The following INPP4B variants were observed in gnomAD, a reference collection of about 807,000 sequenced individuals.
INPP4B encodes the protein inositol polyphosphate 4-phosphatase type II.
Under a neutral mutation model 122.5 loss-of-function variants are expected in INPP4B, and 55 were observed. That is an observed-to-expected ratio of 0.45 (90% CI 0.36 to 0.56). The LOEUF is 0.56. INPP4B is among the 20% of genes least tolerant of loss of function. INPP4B has a pLI of 0.00. For synonymous variants in INPP4B, 403 were observed against 388.7 expected (o/e 1.04, Z -0.43); for missense variants, 1,000 against 1,097.7 (o/e 0.91, Z 1.26).
Position 142,288,541 on chromosome 4 carries a change from C to T in INPP4B, c.503+16917G>A, listed in dbSNP as rs1754915373. On this transcript the variant is annotated intron_variant, in intron 9 of 25. Transcript: ENST00000262992. ...GGAGCTTGCAGTGAGCTGGGATCGG[C>T]CACTGCACTCCAGCCTGGGCGACAG... Among the ~76,000 whole-genome samples, 3 of 152,194 alleles carry T rather than the reference C, an allele frequency of 2.0e-5. No homozygotes were observed. In the South Asian group the frequency reaches 6.2e-4, roughly 32 times the overall value.
intron 15 of INPP4B, among the ~76,000 whole-genome samples, chr4:142,174,104 T>A (rs570202462): frequency 6.6e-6 from 1 of 152,224 alleles, no homozygotes; most frequent in South Asian, 2.1e-4. Flanking sequence ...ATATATGTAA[T>A]CATGTATGTC....
intron 18 of INPP4B, among the ~76,000 whole-genome samples, chr4:142,140,051 C>T (rs1201925613): frequency 1.3e-5 from 2 of 152,074 alleles, no homozygotes; most frequent in African/African-American, 4.8e-5. Flanking sequence ...TATCAGATCC[C>T]AGGAGGAAAT....
At chr4:142,518,473 T>C (rs1253909910) in intron 2 of INPP4B, among the ~76,000 whole-genome samples, 1 of 152,180 alleles carries the variant, frequency 6.6e-6, no homozygotes, top group Non-Finnish European at 1.5e-5. Context: ...TAAAATTATA[T>C]ACATGCTATG....
chr4:142,210,978 A>G (rs776354548), intron 12 of INPP4B, among the ~76,000 whole-genome samples: 1 of 152,174 alleles, frequency 6.6e-6, no homozygotes, highest in Non-Finnish European at 1.5e-5. Flanking sequence ...TGAGGACTCC[A>G]TAACTTTTGT....
intron 2 of INPP4B, among the ~76,000 whole-genome samples, chr4:142,651,143 G>T (rs1342810341): frequency 1.3e-5 from 2 of 151,970 alleles, no homozygotes; most frequent in Non-Finnish European, 2.9e-5. Context: ...CAAAATTAAG[G>T]AAGAAATAAA....
chr4:142,147,604 T>C (rs961038600), intron 17 of INPP4B, among the ~76,000 whole-genome samples: 1 of 152,204 alleles, frequency 6.6e-6, no homozygotes, highest in African/African-American at 2.4e-5. Context: ...TGCTGTGTTT[T>C]CTAAGAAGGC....
intron 7 of INPP4B, among the ~76,000 whole-genome samples, chr4:142,373,636 T>G (rs1484572757): frequency 6.6e-6 from 1 of 151,978 alleles, no homozygotes; most frequent in African/African-American, 2.4e-5. Flanking sequence ...TTGTGAAGAT[T>G]AAATGAGCAA....
intron 1 of INPP4B, among the ~76,000 whole-genome samples, chr4:142,830,650 A>G (rs183413611): frequency 6.6e-6 from 1 of 152,180 alleles, no homozygotes. Flanking sequence ...CTGAGACTGC[A>G]GGAGGAAACA....
At chr4:142,233,007 T>C (rs935093543) in intron 12 of INPP4B, among the ~76,000 whole-genome samples, 1 of 152,164 alleles carries the variant, frequency 6.6e-6, no homozygotes, top group Non-Finnish European at 1.5e-5. Context: ...CATTGGTTCA[T>C]GAAGTTTAAG....
chr4:142,556,186 G>A (rs1471118439), intron 2 of INPP4B, among the ~76,000 whole-genome samples: 1 of 152,122 alleles, frequency 6.6e-6, no homozygotes, highest in Admixed American at 6.5e-5. Flanking sequence ...TTCTATGGTT[G>A]GTCAAAGGTG....
chr4:142,440,312 G>T (rs1811416043), intron 3 of INPP4B, among the ~76,000 whole-genome samples: 1 of 152,172 alleles, frequency 6.6e-6, no homozygotes, highest in South Asian at 2.1e-4. Flanking sequence ...GAAGGAAAGA[G>T]CACCAAATAA....
chr4:142,481,209 A>T (rs1221202015), intron 2 of INPP4B, among the ~76,000 whole-genome samples: 2 of 151,984 alleles, frequency 1.3e-5, no homozygotes, highest in African/African-American at 4.8e-5. Context: ...GAGTGAGAGA[A>T]CAGTAGGGGA....
intron 1 of INPP4B, among the ~76,000 whole-genome samples, chr4:142,753,142 T>C (rs1769981285): frequency 2.0e-5 from 3 of 152,092 alleles, no homozygotes. Flanking sequence ...TAAAAAATAC[T>C]CAACACAATA....
chr4:142,616,679 G>T (rs1743777982), intron 2 of INPP4B, among the ~76,000 whole-genome samples: 2 of 152,022 alleles, frequency 1.3e-5, no homozygotes, highest in African/African-American at 2.4e-5. Context: ...AGCAGTCATG[G>T]AATCAACCTA....
At chr4:142,836,412 G>A (rs1175291392) in intron 1 of INPP4B, among the ~76,000 whole-genome samples, 2 of 152,020 alleles carry the variant, frequency 1.3e-5, no homozygotes, top group Non-Finnish European at 2.9e-5. Context: ...AGGTGAGAGT[G>A]TGTGAGTGTG....
In INPP4B at chr4:142,122,141, T is replaced by C. The variant is rs763551035; in HGVS notation, c.2122A>G (p.Ile708Val). 2.5e-6 allele frequency: 4 copies of C among 1,608,628 alleles called. No individual in the cohort carries two copies. Among genetic ancestry groups the C allele is most frequent in the Non-Finnish European group, 3.4e-6 (4 of 1,176,568 alleles). ...AGCACTGCTTACCGTCTTCCTGTTA[T>C]AACTGGCAACACATCATTGGATTTG... is the stretch of plus-strand genomic sequence containing the variant. ...EAKSNDVLPV[I>V]TGRREHYVVE... The change falls in exon 21 of 26, where the codon ATA becomes GTA. Residue 708 changes from isoleucine (I) to valine (V), a missense_variant. Physicochemically the swap from Ile to Val is conservative, Grantham distance 29. Transcript: ENST00000262992.
chr4:142,044,035 G>C (rs529026142), intron 25 of INPP4B, among the ~76,000 whole-genome samples: 1 of 152,208 alleles, frequency 6.6e-6, no homozygotes, highest in Non-Finnish European at 1.5e-5. Flanking sequence ...TTCTAAAACA[G>C]AAGTAATTTA....
intron 7 of INPP4B, among the ~76,000 whole-genome samples, chr4:142,353,402 C>T (rs767370617): frequency 1.2e-4 from 18 of 151,946 alleles, no homozygotes; most frequent in Non-Finnish European, 5.9e-5. Flanking sequence ...GAGAATGATC[C>T]AACTGGTCAG....
chr4:142,029,488 T>TG, intron 25 of INPP4B: 1 of 985,680 alleles, frequency 1.0e-6, no homozygotes, highest in Non-Finnish European at 1.2e-6. Flanking sequence ...TCACAAGTGC[T>TG]GGGAATGGTA....
Sources: allele counts gnomAD v4.1 joint callset (sites outside exome capture counted in the v4.1 genomes callset), GRCh38; gene constraint gnomAD v4.1.1; transcripts MANE v1.5; gene names NCBI Gene and HGNC (gene_info 2026-07-23, HGNC 2026-07-21).